The following B9D1 variants were observed in gnomAD, a reference collection of about 807,000 sequenced individuals.
B9D1 encodes B9 domain-containing protein 1.
In B9D1, 20 loss-of-function variants were observed where a neutral mutation model predicts 26.1. The observed-to-expected ratio is 0.77, with a 90% CI of 0.54 to 1.12. The LOEUF is 1.12. Among genes scored for constraint, B9D1 ranks in the 50% most tolerant of loss-of-function variants. B9D1 has a pLI of 0.00. For missense variants in B9D1, 260 were observed against 273.7 expected, an observed-to-expected ratio of 0.95 and a Z score of 0.35; for synonymous variants, 105 against 103.1, an observed-to-expected ratio of 1.02 and a Z score of -0.11.
downstream of B9D1, chr17:19,337,481 G>A: frequency 2.0e-6 from 1 of 501,922 alleles, no homozygotes; most frequent in Non-Finnish European, 3.6e-6. Context: ...CTGTGCAAGT[G>A]CCTGGCTCCT....
chr17:19,357,991 AGCCAAGCT>A (rs1910576339), intron 2 of B9D1, 40 bp from the exon 3 acceptor site: 1 of 1,518,518 alleles, frequency 6.6e-7, no homozygotes, highest in Admixed American at 1.7e-5. Flanking sequence ...TTCAGAGCAG[AGCCAAGCT>A]GCTGCGGCTC....
At chr17:19,345,105 C>T (rs1908582410) in intron 5 of B9D1, among the ~76,000 whole-genome samples, 1 of 152,172 alleles carries the variant, frequency 6.6e-6, no homozygotes, top group Admixed American at 6.5e-5. Flanking sequence ...GGGTGGTCTG[C>T]TTAGCTGGCT....
chr17:19,362,732 A>G, upstream of B9D1: 1 of 1,369,790 alleles, frequency 7.3e-7, no homozygotes, highest in Non-Finnish European at 9.6e-7. Flanking sequence ...GCGCAGGCGC[A>G]GTGAACGGGC....
At chr17:19,356,177 G>A (rs1293061687) in intron 3 of B9D1, among the ~76,000 whole-genome samples, 3 of 151,700 alleles carry the variant, frequency 2.0e-5, no homozygotes, top group Non-Finnish European at 4.4e-5. Context: ...CTGCAGCCTC[G>A]ACCTCCTAGG....
rs1908937704 is a variant in B9D1 at position 19,347,221 on chromosome 17, T to C, written c.404+48A>G. On this transcript the variant is annotated intron_variant, in intron 5 of 6. Coordinates refer to ENST00000261499, the MANE Select transcript of B9D1 (RefSeq NM_015681.6). This position sits in a 1 kb window ranked among gnomAD's most constrained non-coding sequence, Gnocchi z 4.3. ...ACTGAGGGGTAGAATGGGACATCCA[T>C]TCATCCAGTAGATCAGGAGGGGCTG... 4 of 1,614,164 alleles carry C rather than the reference T, an allele frequency of 2.5e-6. No individual in the cohort carries two copies. The highest frequency in any genetic ancestry group is 4.5e-5 in the East Asian group (2 of 44,886).
At chr17:19,360,944 G>T (rs978486828) in intron 1 of B9D1, among the ~76,000 whole-genome samples, 1 of 152,184 alleles carries the variant, frequency 6.6e-6, no homozygotes, top group East Asian at 1.9e-4. Context: ...AGGCGAGCAA[G>T]CAAAGCTTCA....
intron 1 of B9D1, among the ~76,000 whole-genome samples, chr17:19,373,713 G>A (rs900923406): frequency 6.6e-6 from 1 of 152,102 alleles, no homozygotes; most frequent in African/African-American, 2.4e-5. Flanking sequence ...TTTTAGTAGA[G>A]ACAGGGTTTC....
At chr17:19,351,131 G>A (rs1909541793) in intron 3 of B9D1, among the ~76,000 whole-genome samples, 1 of 152,050 alleles carries the variant, frequency 6.6e-6, no homozygotes, top group Non-Finnish European at 1.5e-5. Context: ...GAGCCATGGT[G>A]CCTGGCCTGA....
At chr17:19,343,001 AAAGCTCCC>A, downstream of B9D1, 3 of 1,032,668 alleles carry the variant, frequency 2.9e-6, no homozygotes, top group Non-Finnish European at 3.8e-6. Context: ...TGGTTATGTC[AAAGCTCCC>A]ATCCCACATG....
chr17:19,376,083 T>C (rs930938206), intron 1 of B9D1, among the ~76,000 whole-genome samples: 1 of 152,234 alleles, frequency 6.6e-6, no homozygotes, highest in African/African-American at 2.4e-5. Context: ...ACATGAACTT[T>C]ATGCTAAGTG....
At chr17:19,337,658 C>G, downstream of B9D1, 1 of 1,498,762 alleles carries the variant, frequency 6.7e-7, no homozygotes, top group Non-Finnish European at 9.0e-7. Context: ...CGGCTTCCCG[C>G]GGAAGTTTCT....
downstream of B9D1, chr17:19,337,792 C>T (rs1907572709): frequency 1.4e-6 from 2 of 1,442,928 alleles, no homozygotes; most frequent in Non-Finnish European, 1.9e-6. Flanking sequence ...AGATTTCTTA[C>T]AGCCAGGCCT....
At chr17:19,363,081 G>A (rs546146850), upstream of B9D1, 1 of 185,542 alleles carries the variant, frequency 5.4e-6, no homozygotes. Flanking sequence ...TGCAGAGCAC[G>A]GGCGACGTGA....
downstream of B9D1, chr17:19,337,804 G>A: frequency 8.2e-7 from 1 of 1,213,680 alleles, no homozygotes; most frequent in East Asian, 3.3e-5. Context: ...GCCAGGCCTG[G>A]AATTGCCTCA....
Position 19,357,825 on chromosome 17 carries a change from C to T in B9D1, c.244+15G>A. On this transcript the variant is annotated intron_variant, in intron 3 of 6. Transcript: ENST00000261499. ...AGCTCTGCCACCCTACCCCACAGGG[C>T]CCCTGCAGACTCACAGCCGTAGGGG... 1.2e-6 allele frequency: 2 copies of T among 1,600,770 alleles called. No homozygotes were observed. Among genetic ancestry groups the T allele is most frequent in the South Asian group, 1.1e-5 (1 of 90,780 alleles).
intron 1 of B9D1, among the ~76,000 whole-genome samples, chr17:19,368,356 C>G (rs373387588): frequency 6.6e-6 from 1 of 152,326 alleles, no homozygotes; most frequent in African/African-American, 2.4e-5. Context: ...CTGAAGCTCA[C>G]GGGAGAAAGT....
At chr17:19,366,053 C>A (rs1911578355), upstream of B9D1, among the ~76,000 whole-genome samples, 1 of 151,986 alleles carries the variant, frequency 6.6e-6, no homozygotes, top group Non-Finnish European at 1.5e-5. Context: ...CTTGTGAAGT[C>A]TTCCTTGAAC....
chr17:19,361,186 C>T (rs965585032), intron 1 of B9D1, among the ~76,000 whole-genome samples: 10 of 151,962 alleles, frequency 6.6e-5, no homozygotes, highest in Admixed American at 2.6e-4. Context: ...ACTCAGGGCT[C>T]CCACTGATTC....
At chr17:19,342,707 C>T (rs1223516670), downstream of B9D1, among the ~76,000 whole-genome samples, 1 of 152,164 alleles carries the variant, frequency 6.6e-6, no homozygotes, top group Admixed American at 6.5e-5. Flanking sequence ...AGCCAGCGGC[C>T]TCCCACCTCT....
Sources: gnomAD v4.1 joint callset for allele counts (sites outside exome capture counted in the v4.1 genomes callset) on GRCh38, gnomAD v4.1.1 for gene constraint, Gnocchi (gnomAD v3.1) non-coding constraint, MANE v1.5 for transcripts, NCBI Gene and HGNC (gene_info 2026-07-23, HGNC 2026-07-21) for gene names.